Variants in CDH18 observed in about 807,000 individuals in gnomAD.
CDH18 encodes the protein cadherin-18.
Under a neutral mutation model 67.9 loss-of-function variants are expected in CDH18, and 31 were observed. The ratio of observed to expected loss-of-function variants is 0.46; its 90% CI spans 0.34 to 0.62. The LOEUF is 0.62. Among genes scored for constraint, CDH18 ranks in the 20% least tolerant of loss-of-function variants. The probability of loss-of-function intolerance (pLI) is 0.01; values close to 1 mark genes in which losing one functional copy is unlikely to be tolerated. For missense variants in CDH18, 890 were observed against 975.5 expected (o/e 0.91, Z 1.17); for synonymous variants, 362 against 347.2 (o/e 1.04, Z -0.48).
At chr5:20,354,960 G>A in intron 1 of CDH18, among the ~76,000 whole-genome samples, 1 of 152,052 alleles carries the variant, frequency 6.6e-6, no homozygotes, top group African/African-American at 2.4e-5. Flanking sequence ...ATCTGACCAG[G>A]ACCACTTTAC....
At chr5:19,741,338 A>T (rs1315138436) in intron 4 of CDH18, among the ~76,000 whole-genome samples, 344 of 143,130 alleles carry the variant, frequency 2.4e-3, no homozygotes, top group Non-Finnish European at 4.2e-3. Context: ...TCTCACACAC[A>T]CACACACACA....
At chr5:19,868,272 AC>A (rs1030864900) in intron 2 of CDH18, among the ~76,000 whole-genome samples, 109 of 151,960 alleles carry the variant, frequency 7.2e-4, no homozygotes, top group African/African-American at 2.5e-3. Flanking sequence ...TTTCACCACC[AC>A]CCCCTATCTC....
intron 1 of CDH18, among the ~76,000 whole-genome samples, chr5:20,272,389 T>C (rs931172501): frequency 6.6e-5 from 10 of 152,062 alleles, no homozygotes; most frequent in African/African-American, 1.7e-4. Context: ...GTTTGTTTTG[T>C]TTCAAAGACT....
intron 8 of CDH18, among the ~76,000 whole-genome samples, chr5:19,548,726 T>C (rs1019993859): frequency 2.6e-5 from 4 of 151,212 alleles, no homozygotes; most frequent in East Asian, 1.9e-4. Flanking sequence ...AAATACAATC[T>C]AGGTCTACTG....
At chr5:19,912,097 T>C (rs1791209425) in intron 2 of CDH18, among the ~76,000 whole-genome samples, 1 of 151,742 alleles carries the variant, frequency 6.6e-6, no homozygotes, top group Non-Finnish European at 1.5e-5. Context: ...AGGTAATAAT[T>C]AAAGACATGT....
At chr5:20,188,610 GGGA>G (rs1448065898) in intron 2 of CDH18, among the ~76,000 whole-genome samples, 1 of 151,804 alleles carries the variant, frequency 6.6e-6, no homozygotes, top group Non-Finnish European at 1.5e-5. Context: ...TGCTGTCACA[GGGA>G]GTTTAAATAG....
rs78537390 is a variant in CDH18 at position 20,315,650 on chromosome 5, C to G, written c.-579-60145G>C. 7.3e-3 allele frequency among the ~76,000 whole-genome samples: 1,116 copies of G among 152,210 alleles called. 12 individuals are homozygous for G. Among genetic ancestry groups the G allele is most frequent in the African/African-American group, 0.025 (1,052 of 41,546 alleles). The stretch of plus-strand genomic sequence containing the variant: ...TCTCCAAAATATGCTTAAGGTCATT[C>G]CCACATTGTGGATTTTGCACTTGCA... On this transcript the variant is annotated intron_variant, in intron 1 of 14. Coordinates refer to the CDH18 transcript ENST00000507958.
At chr5:19,952,838 A>C (rs1196971025) in intron 2 of CDH18, among the ~76,000 whole-genome samples, 2 of 152,144 alleles carry the variant, frequency 1.3e-5, no homozygotes, top group Admixed American at 1.3e-4. Context: ...ATTTGTCACA[A>C]TAGTAAAATG....
chr5:19,552,866 C>T (rs2127153321), intron 8 of CDH18, among the ~76,000 whole-genome samples: 1 of 152,258 alleles, frequency 6.6e-6, no homozygotes, highest in South Asian at 2.1e-4. Context: ...TAAATACTGG[C>T]TATAATTTTT....
chr5:19,837,666 T>C (rs1781822314), intron 3 of CDH18, among the ~76,000 whole-genome samples: 1 of 152,150 alleles, frequency 6.6e-6, no homozygotes, highest in Non-Finnish European at 1.5e-5. Flanking sequence ...AATGCAGCTG[T>C]AACCCAGTCC....
At chr5:20,545,455 T>C (rs1489512153) in intron 1 of CDH18, among the ~76,000 whole-genome samples, 2 of 152,158 alleles carry the variant, frequency 1.3e-5, no homozygotes, top group African/African-American at 4.8e-5. Flanking sequence ...CCCAGGCATT[T>C]CCTCACATCA....
At chr5:20,400,615 G>A (rs1390669762) in intron 1 of CDH18, among the ~76,000 whole-genome samples, 4 of 142,438 alleles carry the variant, frequency 2.8e-5, no homozygotes, top group Non-Finnish European at 4.5e-5. Context: ...AAAAACCAGC[G>A]AGGTGTGGTG....
intron 2 of CDH18, among the ~76,000 whole-genome samples, chr5:20,194,421 G>A (rs1738796985): frequency 6.6e-6 from 1 of 151,990 alleles, no homozygotes; most frequent in South Asian, 2.1e-4. Context: ...GAACACCATA[G>A]ATAACTAAAT....
chr5:20,394,703 C>T (rs1745141522), intron 1 of CDH18, among the ~76,000 whole-genome samples: 1 of 152,018 alleles, frequency 6.6e-6, no homozygotes, highest in South Asian at 2.1e-4. Flanking sequence ...ACCTCACATC[C>T]AGAATCCACA....
chr5:20,233,666 A>T (rs2126513580), intron 2 of CDH18, among the ~76,000 whole-genome samples: 1 of 152,132 alleles, frequency 6.6e-6, no homozygotes, highest in African/African-American at 2.4e-5. Flanking sequence ...ATGTGTATTT[A>T]TTTAAGAATG....
chr5:19,885,970 A>C lies in CDH18; in HGVS notation c.-256-46728T>G, dbSNP rs543470525. ...AATAAATTTGAGAGTGTGTGAGACC[A>C]AAAAGTTTGAGAACTTCTGTATCAT... On this transcript the variant is annotated intron_variant, in intron 2 of 12. Coordinates refer to ENST00000382275, the MANE Select transcript of CDH18 (RefSeq NM_004934.5). The C allele has an allele frequency of 2.0e-5, 3 of 152,354 alleles. No homozygotes were observed. In the East Asian group the frequency reaches 5.8e-4, roughly 29 times the overall value. 9.4% of individuals were successfully genotyped at this position (152,354 alleles called of 1,614,324 possible).
chr5:20,400,706 G>A (rs1251671681), intron 1 of CDH18, among the ~76,000 whole-genome samples: 1 of 151,938 alleles, frequency 6.6e-6, no homozygotes, highest in African/African-American at 2.4e-5. Flanking sequence ...AGGTTGCAGT[G>A]AACAGAGATG....
At chr5:20,263,088 T>C (rs940668736) in intron 1 of CDH18, among the ~76,000 whole-genome samples, 1 of 150,304 alleles carries the variant, frequency 6.7e-6, no homozygotes, top group Non-Finnish European at 1.5e-5. Context: ...AATTTCTCCT[T>C]GATAAAAAAA....
chr5:19,887,356 T>C (rs1006092843), intron 2 of CDH18, among the ~76,000 whole-genome samples: 15 of 152,054 alleles, frequency 9.9e-5, no homozygotes, highest in African/African-American at 3.4e-4. Flanking sequence ...ATTTTATATA[T>C]ATGTGTGCGT....
Sources: allele counts gnomAD v4.1 joint callset (sites outside exome capture counted in the v4.1 genomes callset), GRCh38; gene constraint gnomAD v4.1.1; transcripts MANE v1.5; gene names NCBI Gene and HGNC (gene_info 2026-07-23, HGNC 2026-07-21).